The following EXT1 variants were observed in gnomAD, a reference collection of about 807,000 sequenced individuals.
EXT1 encodes exostosin glycosyltransferase 1, also known as exostosin-1.
Under a neutral mutation model 82.5 loss-of-function variants are expected in EXT1, and 20 were observed. That is an observed-to-expected ratio of 0.24 (90% CI 0.17 to 0.35). The LOEUF (loss-of-function observed/expected upper bound fraction) is 0.35, where lower values mean the gene tolerates loss of function less well. EXT1 is among the 10% of genes least tolerant of loss of function. The probability of loss-of-function intolerance (pLI) is 1.00; values close to 1 mark genes in which losing one functional copy is unlikely to be tolerated. For missense variants in EXT1, 757 were observed against 936.5 expected (o/e 0.81, Z 2.50); for synonymous variants, 348 against 350.8 (o/e 0.99, Z 0.09).
At chr8:117,892,604 T>C (rs17430513) in intron 1 of EXT1, among the ~76,000 whole-genome samples, 273 of 152,334 alleles carry the variant, frequency 1.8e-3, no homozygotes, top group South Asian at 6.0e-3. Context: ...ATGAGCTGAC[T>C]TATCCTTTAA....
chr8:118,035,561 G>T (rs1436062547), intron 1 of EXT1, among the ~76,000 whole-genome samples: 1 of 151,886 alleles, frequency 6.6e-6, no homozygotes, highest in Admixed American at 6.6e-5. Context: ...GAAGTCAGAT[G>T]AATAATTTTA....
intron 1 of EXT1, among the ~76,000 whole-genome samples, chr8:117,880,176 T>C (rs2129917087): frequency 6.6e-6 from 1 of 152,336 alleles, no homozygotes; most frequent in South Asian, 2.1e-4. Flanking sequence ...CCAAAGAGCA[T>C]TTTAAGTTAC....
At chr8:117,835,586 A>T in intron 2 of EXT1, 35 bp from the exon 3 acceptor site, 1 of 1,475,824 alleles carries the variant, frequency 6.8e-7, no homozygotes. Flanking sequence ...AATGTGAGGA[A>T]AGCGACAGCA....
intron 1 of EXT1, among the ~76,000 whole-genome samples, chr8:118,005,225 C>T (rs527348822): frequency 6.6e-5 from 10 of 152,130 alleles, no homozygotes; most frequent in African/African-American, 2.4e-4. Context: ...GACAGATATC[C>T]CAGACTTGCT....
At chr8:117,991,284 T>C (rs926401248) in intron 1 of EXT1, among the ~76,000 whole-genome samples, 1 of 152,134 alleles carries the variant, frequency 6.6e-6, no homozygotes, top group Non-Finnish European at 1.5e-5. Context: ...CTAAATTTTA[T>C]ATTTGTGAAA....
At chr8:118,052,489 A>C (rs1816733072) in intron 1 of EXT1, among the ~76,000 whole-genome samples, 1 of 152,226 alleles carries the variant, frequency 6.6e-6, no homozygotes, top group Non-Finnish European at 1.5e-5. Context: ...ATGCCAAATG[A>C]ACCTGAACTG....
rs936848849 is a variant in EXT1, at chr8:117,879,703, A to T, written c.963-42502T>A. On this transcript the variant is annotated intron_variant, in intron 1 of 10. Coordinates refer to ENST00000378204, the MANE Select transcript of EXT1 (RefSeq NM_000127.3). ...ACCAAGCAACTACAAGAACATGCAC[A>T]ATCTAGAGTTAAGGAGTATTTTATG... 3.3e-5 allele frequency among the ~76,000 whole-genome samples: 5 copies of T among 152,212 alleles called. No individual in the cohort carries two copies. The East Asian group carries it at 7.7e-4, about 23-fold the overall frequency.
intron 1 of EXT1, among the ~76,000 whole-genome samples, chr8:117,856,052 T>C (rs1224262987): frequency 6.6e-6 from 1 of 152,186 alleles, no homozygotes; most frequent in Non-Finnish European, 1.5e-5. Context: ...TTGAAAGCTA[T>C]GCCTCTCATG....
At chr8:117,944,585 G>A (rs1343585639) in intron 1 of EXT1, among the ~76,000 whole-genome samples, 1 of 152,112 alleles carries the variant, frequency 6.6e-6, no homozygotes, top group Non-Finnish European at 1.5e-5. Context: ...GGCTATGACC[G>A]TACTCTGCAC....
intron 1 of EXT1, among the ~76,000 whole-genome samples, chr8:117,870,860 G>A (rs1460915935): frequency 3.5e-5 from 4 of 113,286 alleles, no homozygotes; most frequent in African/African-American, 6.3e-5. Flanking sequence ...AAAGATTGAA[G>A]GAATAAAAAA....
Position 117,846,533 on chromosome 8 carries a change from G to A in EXT1, c.963-9332C>T, listed in dbSNP as rs1563578264. Among the ~76,000 whole-genome samples, 4 of 152,132 alleles carry A rather than the reference G, an allele frequency of 2.6e-5. No homozygotes were observed. In the South Asian group the frequency reaches 8.3e-4, roughly 32 times the overall value. On this transcript the variant is annotated intron_variant, in intron 1 of 10. Transcript: ENST00000378204. Reference sequence around the variant, plus strand: ...ACGTTTTTGAAAATGCTAAATAAAGGGCTACCTGAGTACAGTGGCAGGGAG... The same window carrying A: ...ACGTTTTTGAAAATGCTAAATAAAGAGCTACCTGAGTACAGTGGCAGGGAG...
At chr8:117,863,459 C>G (rs1251357688) in intron 1 of EXT1, among the ~76,000 whole-genome samples, 1 of 140,862 alleles carries the variant, frequency 7.1e-6, no homozygotes, top group Non-Finnish European at 1.5e-5. Flanking sequence ...TGTTGTGACA[C>G]TTTTGTATTG....
chr8:118,092,649 G>A (rs1431118969), intron 1 of EXT1, among the ~76,000 whole-genome samples: 1 of 152,178 alleles, frequency 6.6e-6, no homozygotes, highest in Non-Finnish European at 1.5e-5. Flanking sequence ...AGAATACCGG[G>A]ACTAGGGGGA....
intron 1 of EXT1, among the ~76,000 whole-genome samples, chr8:118,080,990 T>G (rs897444184): frequency 2.0e-5 from 3 of 152,140 alleles, no homozygotes; most frequent in African/African-American, 7.2e-5. Context: ...GTCCTAAAAT[T>G]CAATGGATAA....
At chr8:118,092,953 C>T (rs2130003447) in intron 1 of EXT1, among the ~76,000 whole-genome samples, 1 of 152,264 alleles carries the variant, frequency 6.6e-6, no homozygotes, top group South Asian at 2.1e-4. Context: ...CAGGCCACAC[C>T]ATGCCTGGGA....
intron 1 of EXT1, among the ~76,000 whole-genome samples, chr8:118,047,022 A>G (rs1458293591): frequency 3.9e-5 from 6 of 152,222 alleles, no homozygotes; most frequent in Non-Finnish European, 7.3e-5. Flanking sequence ...ATGGCCACAT[A>G]GAGCGACCAG....
intron 1 of EXT1, among the ~76,000 whole-genome samples, chr8:118,082,631 A>C (rs547085301): frequency 1.3e-5 from 2 of 152,318 alleles, no homozygotes; most frequent in Non-Finnish European, 2.9e-5. Flanking sequence ...GATGGGCAAA[A>C]TTTAAGTAAA....
At chr8:117,916,808 G>A (rs1158013851) in intron 1 of EXT1, among the ~76,000 whole-genome samples, 1 of 152,106 alleles carries the variant, frequency 6.6e-6, no homozygotes, top group Non-Finnish European at 1.5e-5. Context: ...TCGGGAGACT[G>A]AGGCACGAGA....
At chr8:117,977,615 G>A (rs1380359747) in intron 1 of EXT1, among the ~76,000 whole-genome samples, 2 of 152,118 alleles carry the variant, frequency 1.3e-5, no homozygotes, top group African/African-American at 4.8e-5. Context: ...ACATAAAAGG[G>A]GAGAATAATA....
Sources: gnomAD v4.1 joint callset for allele counts (sites outside exome capture counted in the v4.1 genomes callset) on GRCh38, gnomAD v4.1.1 for gene constraint, MANE v1.5 for transcripts, NCBI Gene and HGNC (gene_info 2026-07-23, HGNC 2026-07-21) for gene names.